Variants in SCN2A observed in about 807,000 individuals in gnomAD.
SCN2A encodes the protein sodium channel protein type 2 subunit alpha.
A neutral mutation model predicts 188.7 loss-of-function variants in SCN2A; 20 were observed. The observed-to-expected ratio is 0.11, with a 90% CI of 0.07 to 0.15. The LOEUF (loss-of-function observed/expected upper bound fraction) is 0.15, where lower values mean the gene tolerates loss of function less well. Ranked by LOEUF, SCN2A falls within the 10% of genes least tolerant of loss-of-function variation. The pLI is 1.00. For synonymous variants in SCN2A, 804 were observed against 833.1 expected, an observed-to-expected ratio of 0.97 and a Z score of 0.60; for missense variants, 1,278 against 2,445.0, an observed-to-expected ratio of 0.52 and a Z score of 10.07.
chr2:165,309,030 AT>A, intron 5 of SCN2A: 1 of 1,111,776 alleles, frequency 9.0e-7, no homozygotes, highest in Admixed American at 2.1e-5. Context: ...AGAGATTATG[AT>A]TGATGACAAT....
At chr2:165,294,272 T>A in intron 1 of SCN2A, 2 of 257,062 alleles carry the variant, frequency 7.8e-6, no homozygotes, top group Non-Finnish European at 1.2e-5. Context: ...GCATGTCTCT[T>A]CTATTAGAGA....
Position 165,386,602 on chromosome 2 carries a change from A to AT in SCN2A, c.4552-133dup, listed in dbSNP as rs78399411. On this transcript the variant is annotated intron_variant, in intron 25 of 26. Coordinates refer to ENST00000375437, the MANE Select transcript of SCN2A (RefSeq NM_001040142.2). ...TCTCCAATCACTGGTTTTGCAAGGA[A>AT]TTTTTTTTTTTGTAAAATGTTGTGA... The AT allele has an allele frequency of 0.031, 19,678 of 640,446 alleles. 5 individuals carry two copies. The highest frequency in any genetic ancestry group is 0.043 in the Middle Eastern group (81 of 1,892). 39.7% of individuals were successfully genotyped at this position (640,446 alleles called of 1,614,324 possible). A position where few individuals can be genotyped will look rare whatever the true frequency, so the allele number is the denominator to read the frequency against.
intron 25 of SCN2A, among the ~76,000 whole-genome samples, chr2:165,384,686 A>G (rs1701777623): frequency 6.6e-6 from 1 of 152,152 alleles, no homozygotes; most frequent in Non-Finnish European, 1.5e-5. Flanking sequence ...AAATTGAATA[A>G]GAGCAAACCA....
Position 165,386,830 on chromosome 2 carries a change from G to T in SCN2A, c.4636G>T (p.Val1546Phe). 1 of 1,613,842 alleles carries T rather than the reference G, an allele frequency of 6.2e-7. No homozygotes were observed. The highest frequency in any genetic ancestry group is 8.5e-7 in the Non-Finnish European group (1 of 1,179,882). ...SIMILICLNM[V>F]TMMVETDDQS... Reference sequence around the variant, plus strand: ...CATGATCCTCATCTGCCTTAACATGGTCACCATGATGGTGGAAACCGATGA... The same window carrying T: ...CATGATCCTCATCTGCCTTAACATGTTCACCATGATGGTGGAAACCGATGA... The change falls in exon 26 of 27, where the codon GTC (valine) becomes TTC (phenylalanine). Residue 1546 changes from valine (V) to phenylalanine (F), a missense_variant. Val to Phe is a conservative substitution (Grantham distance 50). Transcript: ENST00000375437.
intron 13 of SCN2A, among the ~76,000 whole-genome samples, chr2:165,328,709 A>G (rs1008783088): frequency 6.6e-6 from 1 of 152,218 alleles, no homozygotes. Flanking sequence ...ACTATGTGAC[A>G]TGGGGTTGCT....
chr2:165,357,732 G>A (rs769979366), intron 17 of SCN2A, among the ~76,000 whole-genome samples: 6 of 152,240 alleles, frequency 3.9e-5, no homozygotes, highest in Non-Finnish European at 7.4e-5. Context: ...TTAGTAGTGC[G>A]ATATGGTGAC....
At chr2:165,362,134 A>G (rs1182184294) in intron 17 of SCN2A, among the ~76,000 whole-genome samples, 2 of 152,058 alleles carry the variant, frequency 1.3e-5, no homozygotes, top group Non-Finnish European at 2.9e-5. Flanking sequence ...CGAAAACATG[A>G]TCTTTCCTCC....
intron 1 of SCN2A, among the ~76,000 whole-genome samples, chr2:165,282,561 T>C (rs1029702105): frequency 1.6e-4 from 24 of 152,186 alleles, no homozygotes; most frequent in South Asian, 1.0e-3. Context: ...AATGGCCCCT[T>C]TTTCCTGCTA....
chr2:165,281,115 G>T (rs1695566850), intron 1 of SCN2A, among the ~76,000 whole-genome samples: 1 of 152,076 alleles, frequency 6.6e-6, no homozygotes, highest in Admixed American at 6.6e-5. Context: ...TGGCTACTTG[G>T]AATGCTGAGG....
intron 15 of SCN2A, 35 bp from the exon 16 acceptor site, chr2:165,344,520 C>CAG (rs769779159): frequency 7.5e-7 from 1 of 1,332,896 alleles, no homozygotes; most frequent in South Asian, 2.2e-5. Flanking sequence ...TTTAGAAATG[C>CAG]AGAGCATTAA....
intron 3 of SCN2A, among the ~76,000 whole-genome samples, chr2:165,297,829 A>C (rs756948578): frequency 1.1e-4 from 16 of 151,946 alleles, no homozygotes; most frequent in Non-Finnish European, 2.2e-4. Flanking sequence ...ATACATTCTC[A>C]TTTTATTTTT....
At chr2:165,294,175 T>C in intron 1 of SCN2A, 1 of 875,684 alleles carries the variant, frequency 1.1e-6, no homozygotes, top group East Asian at 1.2e-4. Flanking sequence ...TTCTCTGTGA[T>C]GCTTCTCTAC....
At chr2:165,314,129 G>T in intron 10 of SCN2A, 21 bp downstream of exon 10, 2 of 1,608,120 alleles carry the variant, frequency 1.2e-6, no homozygotes, top group Non-Finnish European at 1.7e-6. Context: ...CAAGCATACG[G>T]TCCTTTGTTT....
intron 11 of SCN2A, among the ~76,000 whole-genome samples, chr2:165,317,816 T>C (rs1363879574): frequency 2.0e-5 from 3 of 151,966 alleles, no homozygotes; most frequent in Non-Finnish European, 4.4e-5. Flanking sequence ...AGTCTCTATA[T>C]AAAAATAGAG....
At chr2:165,374,536 G>T in intron 21 of SCN2A, 149 bp from the exon 22 acceptor site, 1 of 749,834 alleles carries the variant, frequency 1.3e-6, no homozygotes, top group South Asian at 1.7e-5. Flanking sequence ...AAAATTCTTA[G>T]TTGGAGCTAC....
At chr2:165,286,577 A>G (rs997544418) in intron 1 of SCN2A, among the ~76,000 whole-genome samples, 2 of 152,250 alleles carry the variant, frequency 1.3e-5, no homozygotes, top group African/African-American at 4.8e-5. Flanking sequence ...ACCTGGTGTC[A>G]TCACAGGCCT....
Position 165,389,877 on chromosome 2 carries a change from G to A in SCN2A, c.*53G>A. 1 of 1,545,200 alleles carries A rather than the reference G, an allele frequency of 6.5e-7. No homozygotes were observed. Among genetic ancestry groups the A allele is most frequent in the Non-Finnish European group, 8.7e-7 (1 of 1,149,192 alleles). On this transcript the variant is annotated 3_prime_UTR_variant, in exon 27 of 27. Transcript: ENST00000375437. This position sits in a 1 kb window ranked among gnomAD's most constrained non-coding sequence, Gnocchi z 4.2. The stretch of plus-strand genomic sequence containing the variant: ...GATCAATTGTTTACAGCCCGTGATG[G>A]TGATGTGTTTGTGTCAACAGGACTC...
At chr2:165,245,439 A>T (rs754175118) in intron 1 of SCN2A, 1 of 152,364 alleles carries the variant, frequency 6.6e-6, no homozygotes, top group Non-Finnish European at 1.5e-5. Context: ...CTTCCCAGCC[A>T]TGCAGCACTG....
At chr2:165,312,212 G>C (rs951239918) in intron 8 of SCN2A, 124 bp downstream of exon 8, 1 of 737,264 alleles carries the variant, frequency 1.4e-6, no homozygotes, top group Non-Finnish European at 2.4e-6. Context: ...TCTACTTCAC[G>C]GTGACTCTCA....
Sources: allele counts gnomAD v4.1 joint callset (sites outside exome capture counted in the v4.1 genomes callset), GRCh38; gene constraint gnomAD v4.1.1; non-coding constraint Gnocchi (gnomAD v3.1); transcripts MANE v1.5; gene names NCBI Gene and HGNC (gene_info 2026-07-23, HGNC 2026-07-21).